Variants in TRPC7 observed in about 807,000 individuals in gnomAD.
TRPC7 encodes transient receptor potential cation channel subfamily C member 7, also known as short transient receptor potential channel 7.
Under a neutral mutation model 90.1 loss-of-function variants are expected in TRPC7, and 42 were observed. The ratio of observed to expected loss-of-function variants is 0.47; its 90% CI spans 0.36 to 0.60. The LOEUF (loss-of-function observed/expected upper bound fraction) is 0.60, where lower values mean the gene tolerates loss of function less well. TRPC7 is among the 20% of genes least tolerant of loss of function. The probability of loss-of-function intolerance (pLI) is 0.00; values close to 1 mark genes in which losing one functional copy is unlikely to be tolerated. For missense variants in TRPC7, 955 were observed against 1,112.3 expected (o/e 0.86, Z 2.01); for synonymous variants, 451 against 436.3 (o/e 1.03, Z -0.42).
intron 3 of TRPC7, among the ~76,000 whole-genome samples, chr5:136,280,054 G>T (rs1757495942): frequency 6.6e-6 from 1 of 152,130 alleles, no homozygotes; most frequent in Non-Finnish European, 1.5e-5. Flanking sequence ...CAGCTACTTG[G>T]AAGGCTGAGG....
intron 2 of TRPC7, among the ~76,000 whole-genome samples, chr5:136,342,807 C>G (rs1049502311): frequency 1.3e-5 from 2 of 152,100 alleles, no homozygotes; most frequent in African/African-American, 4.8e-5. Flanking sequence ...TTGAGACAAA[C>G]AAATCTATGC....
At chr5:136,274,260 G>C (rs186433281) in intron 4 of TRPC7, among the ~76,000 whole-genome samples, 38 of 152,296 alleles carry the variant, frequency 2.5e-4, no homozygotes, top group African/African-American at 7.9e-4. Flanking sequence ...GCTGTGAAAT[G>C]AGATATTCCA....
chr5:136,227,939 TA>T (rs1194716895), intron 8 of TRPC7, among the ~76,000 whole-genome samples: 1 of 152,242 alleles, frequency 6.6e-6, no homozygotes, highest in African/African-American at 2.4e-5. Context: ...CTCCATAGCC[TA>T]GCATAGGCCT....
intron 1 of TRPC7, among the ~76,000 whole-genome samples, chr5:136,360,729 AGCAGATAATG>A (rs1197815258): frequency 1.3e-5 from 2 of 152,210 alleles, no homozygotes; most frequent in Admixed American, 1.3e-4. Flanking sequence ...TATGCATATA[AGCAGATAATG>A]GCATGTGCTA....
chr5:136,342,402 GTTC>G (rs747521860), intron 2 of TRPC7, among the ~76,000 whole-genome samples: 38 of 152,312 alleles, frequency 2.5e-4, no homozygotes, highest in Non-Finnish European at 4.6e-4. Flanking sequence ...AACGAGGAGT[GTTC>G]TTCTTCCTTC....
At chr5:136,348,853 A>G (rs1198550586) in intron 2 of TRPC7, among the ~76,000 whole-genome samples, 1 of 152,080 alleles carries the variant, frequency 6.6e-6, no homozygotes, top group East Asian at 1.9e-4. Context: ...GATTAATGCT[A>G]CTCTACTGTG....
chr5:136,291,073 T>C (rs1162943584), intron 3 of TRPC7, among the ~76,000 whole-genome samples: 1 of 152,138 alleles, frequency 6.6e-6, no homozygotes, highest in Non-Finnish European at 1.5e-5. Flanking sequence ...ATAAAATCCT[T>C]TACAGAGAAG....
chr5:136,248,564 G>A (rs188786767), intron 6 of TRPC7, among the ~76,000 whole-genome samples: 1 of 152,300 alleles, frequency 6.6e-6, no homozygotes, highest in East Asian at 1.9e-4. Flanking sequence ...CAGGTACTGT[G>A]TGCTGGGATA....
At position 136,251,766 on chromosome 5, in the gene TRPC7, C is replaced by T. The variant is rs988257842; in HGVS notation, c.1462G>A (p.Ala488Thr). 6.2e-7 allele frequency: 1 copy of T among 1,613,970 alleles called. No individual in the cohort carries two copies. The highest frequency in any genetic ancestry group is 1.7e-5 in the Admixed American group (1 of 60,020). The change falls in exon 6 of 12, where the codon GCA (alanine) becomes ACA (threonine). Residue 488 changes from alanine to threonine, a missense_variant. Around this residue, in one of 4 missense-constraint regions of TRPC7, gnomAD observed 484 missense variants for 509.6 expected, o/e 0.95. Transcript: ENST00000513104. ...MLSIFVASFT[A>T]RFMAFLKATE... ...GCCTTCAGGAAGGCCATGAAGCGTG[C>T]TGTGAAGGAGGCCACGAAGATGGAC...
intron 3 of TRPC7, among the ~76,000 whole-genome samples, chr5:136,282,483 C>T (rs777811685): frequency 3.9e-5 from 6 of 152,128 alleles, no homozygotes; most frequent in Non-Finnish European, 7.3e-5. Flanking sequence ...CAGTCTATCT[C>T]CTGTAAATTT....
At chr5:136,246,438 A>T (rs76673766) in intron 7 of TRPC7, among the ~76,000 whole-genome samples, 4,700 of 152,238 alleles carry the variant, frequency 0.031, 225 homozygotes, top group African/African-American at 0.1. Flanking sequence ...AGCAGATGGG[A>T]CTGATCTGGA....
chr5:136,347,263 A>C lies in TRPC7; in HGVS notation c.780+9345T>G, dbSNP rs531835955. On this transcript the variant is annotated intron_variant, in intron 2 of 11. Coordinates refer to ENST00000513104, the MANE Select transcript of TRPC7 (RefSeq NM_020389.3). ...ATTGCAGCACTCAGAAACTCAAACA[A>C]CCACCCATACTCAATTGAGTATTTG... Among the ~76,000 whole-genome samples the C allele has an allele frequency of 2.0e-3, 309 of 152,196 alleles. 1 individual carries two copies. The highest frequency in any genetic ancestry group is 4.6e-3 in the South Asian group (22 of 4,812).
intron 10 of TRPC7, among the ~76,000 whole-genome samples, chr5:136,219,056 C>G (rs1240810000): frequency 6.6e-6 from 1 of 152,202 alleles, no homozygotes; most frequent in African/African-American, 2.4e-5. Flanking sequence ...ATGTGGGAAA[C>G]TGGCTCCCAT....
intron 6 of TRPC7, 86 bp downstream of exon 6, chr5:136,251,563 G>T (rs1481762034): frequency 3.6e-6 from 4 of 1,103,474 alleles, no homozygotes; most frequent in East Asian, 5.2e-5. Flanking sequence ...TACAAATAGC[G>T]TTACAAGTTC....
At chr5:136,272,212 C>T (rs1251770123) in intron 4 of TRPC7, among the ~76,000 whole-genome samples, 1 of 152,170 alleles carries the variant, frequency 6.6e-6, no homozygotes, top group Non-Finnish European at 1.5e-5. Context: ...CCTAGAATTA[C>T]AGATATAGAC....
At chr5:136,306,648 C>T (rs1758641171) in intron 3 of TRPC7, among the ~76,000 whole-genome samples, 1 of 152,164 alleles carries the variant, frequency 6.6e-6, no homozygotes. Flanking sequence ...AACTGAAGAT[C>T]CACAAAAGAG....
At chr5:136,221,434 A>G (rs1755457651) in intron 10 of TRPC7, among the ~76,000 whole-genome samples, 1 of 152,222 alleles carries the variant, frequency 6.6e-6, no homozygotes, top group Non-Finnish European at 1.5e-5. Flanking sequence ...CCAAACTACA[A>G]GAGGCCAAAT....
Position 136,213,350 on chromosome 5 carries a change from G to T in TRPC7, c.*85C>A. On this transcript the variant is annotated 3_prime_UTR_variant, in exon 12 of 12. Coordinates refer to ENST00000513104, the MANE Select transcript of TRPC7 (RefSeq NM_020389.3). ...TCGTGTCCTAGAGGAGTGGGCTGGG[G>T]ACCCCTCCCCACCAAGGATGGGGGC... 6.9e-7 allele frequency: 1 copy of T among 1,445,392 alleles called. No individual in the cohort carries two copies. The highest frequency in any genetic ancestry group is 2.3e-4 in the Middle Eastern group (1 of 4,398). 89.5% of individuals were successfully genotyped at this position (1,445,392 alleles called of 1,614,324 possible). A position where few individuals can be genotyped will look rare whatever the true frequency, so the allele number is the denominator to read the frequency against.
intron 3 of TRPC7, among the ~76,000 whole-genome samples, chr5:136,300,246 G>T (rs1288996114): frequency 6.6e-6 from 1 of 152,210 alleles, no homozygotes; most frequent in Non-Finnish European, 1.5e-5. Context: ...TTTACAGAAT[G>T]CCTGAAGAAA....
Sources: allele counts gnomAD v4.1 joint callset (sites outside exome capture counted in the v4.1 genomes callset), GRCh38; gene constraint gnomAD v4.1.1; regional missense constraint gnomAD v4.1.1; transcripts MANE v1.5; gene names NCBI Gene and HGNC (gene_info 2026-07-23, HGNC 2026-07-21).